NRXN3: variants seen among roughly 807,000 people sequenced by gnomAD.
NRXN3 encodes the protein neurexin 3, also known as neurexin III.
In NRXN3, 32 loss-of-function variants were observed where a neutral mutation model predicts 137.6. That is an observed-to-expected ratio of 0.23 (90% CI 0.18 to 0.31). NRXN3 has a LOEUF of 0.31. Ranked by LOEUF, NRXN3 falls within the 10% of genes least tolerant of loss-of-function variation. The probability of loss-of-function intolerance (pLI) is 1.00; values close to 1 mark genes in which losing one functional copy is unlikely to be tolerated. For missense variants in NRXN3, 1,574 were observed against 2,062.5 expected (o/e 0.76, Z 4.59); for synonymous variants, 798 against 784.5 (o/e 1.02, Z -0.29).
At chr14:78,876,324 A>G (rs1483777392) in intron 10 of NRXN3, among the ~76,000 whole-genome samples, 1 of 152,208 alleles carries the variant, frequency 6.6e-6, no homozygotes, top group Admixed American at 6.5e-5. Flanking sequence ...GACTTGATGT[A>G]AAGGAGGAAA....
Position 79,694,629 on chromosome 14 carries a change from G to A in NRXN3, c.3706+2367G>A, listed in dbSNP as rs1373744416. 3.9e-5 allele frequency among the ~76,000 whole-genome samples: 6 copies of A among 151,952 alleles called. No homozygotes were observed. The East Asian group carries it at 1.2e-3, about 30-fold the overall frequency. On this transcript the variant is annotated intron_variant, in intron 18 of 20. Coordinates refer to ENST00000335750, the MANE Select transcript of NRXN3 (RefSeq NM_001330195.2). ...AATAATGAGATCTGGCATTGATTTG[G>A]GGAAATCTTGGGCAAATGATAAAAA...
intron 15 of NRXN3, among the ~76,000 whole-genome samples, chr14:79,054,101 A>G (rs1356814370): frequency 1.4e-5 from 2 of 142,592 alleles, no homozygotes; most frequent in African/African-American, 2.6e-5. Context: ...ATAGGTAGGA[A>G]TTGAACAATG....
At chr14:78,915,146 A>T (rs1597339910) in intron 10 of NRXN3, among the ~76,000 whole-genome samples, 1 of 152,060 alleles carries the variant, frequency 6.6e-6, no homozygotes, top group Non-Finnish European at 1.5e-5. Context: ...ATTGCCTTCC[A>T]TTGTCAGTGG....
intron 15 of NRXN3, among the ~76,000 whole-genome samples, chr14:79,197,114 T>C (rs937932173): frequency 3.3e-5 from 5 of 152,190 alleles, no homozygotes; most frequent in African/African-American, 1.2e-4. Context: ...TACAGGTTAA[T>C]TTTGGCTGGT....
intron 4 of NRXN3, among the ~76,000 whole-genome samples, chr14:78,600,936 T>C (rs562519415): frequency 6.6e-6 from 1 of 152,328 alleles, no homozygotes; most frequent in Non-Finnish European, 1.5e-5. Context: ...TCTCTCCTTT[T>C]GCCTTTTACC....
At chr14:79,254,832 T>C (rs2153384170) in intron 15 of NRXN3, among the ~76,000 whole-genome samples, 1 of 145,360 alleles carries the variant, frequency 6.9e-6, no homozygotes, top group South Asian at 2.4e-4. Flanking sequence ...CTTCTTTCCT[T>C]CTTTCCTTCT....
intron 4 of NRXN3, among the ~76,000 whole-genome samples, chr14:78,598,219 C>T (rs1435818208): frequency 6.6e-6 from 1 of 152,126 alleles, no homozygotes; most frequent in African/African-American, 2.4e-5. Context: ...GACTCTGTTG[C>T]CCTCTAGTGG....
At chr14:79,733,889 C>G (rs941401036) in intron 19 of NRXN3, among the ~76,000 whole-genome samples, 5 of 152,130 alleles carry the variant, frequency 3.3e-5, no homozygotes, top group Non-Finnish European at 7.3e-5. Context: ...CATTCACTTG[C>G]CTGCTTGCTC....
Position 78,803,472 on chromosome 14 carries a change from A to G in NRXN3, c.2045-148A>G, listed in dbSNP as rs892177603. 3 of 710,630 alleles carry G rather than the reference A, an allele frequency of 4.2e-6. No homozygotes were observed. The African/African-American group carries it at 5.2e-5, about 12-fold the overall frequency. The allele number at this position is 710,630 out of a possible 1,614,324, so 44.0% of individuals were successfully genotyped here. On this transcript the variant is annotated intron_variant, in intron 8 of 20. Coordinates refer to ENST00000335750, the MANE Select transcript of NRXN3 (RefSeq NM_001330195.2). ...GGTCTGCCCAGCGTCACACAGATTA[A>G]AAGGTGGTAACAACAAGGGTTCATC...
At chr14:79,279,260 C>T in intron 15 of NRXN3, 1 of 805,608 alleles carries the variant, frequency 1.2e-6, no homozygotes, top group Non-Finnish European at 1.5e-6. Flanking sequence ...GCTCTGGCCC[C>T]TCCTTCCTCC....
intron 6 of NRXN3, among the ~76,000 whole-genome samples, chr14:78,683,508 C>T (rs974191118): frequency 2.0e-4 from 31 of 152,170 alleles, no homozygotes; most frequent in African/African-American, 7.2e-4. Context: ...TCCTATTCCG[C>T]TACAGAGTGC....
intron 20 of NRXN3, among the ~76,000 whole-genome samples, chr14:79,825,206 C>CTTTTTTTTTTTTTTTTTTTTTT (rs11449914): frequency 8.5e-6 from 1 of 117,822 alleles, no homozygotes; most frequent in African/African-American, 3.2e-5. Context: ...TCTTTGTGTG[C>CTTTTTTTTTTTTTTTTTTTTTT]TTTTTTTTTT....
At chr14:79,108,437 C>T (rs1263155049) in intron 15 of NRXN3, among the ~76,000 whole-genome samples, 2 of 152,014 alleles carry the variant, frequency 1.3e-5, no homozygotes, top group African/African-American at 4.8e-5. Flanking sequence ...TGCTACCTGA[C>T]AAATATAGTA....
intron 15 of NRXN3, among the ~76,000 whole-genome samples, chr14:79,154,305 A>T (rs1291820535): frequency 6.6e-6 from 1 of 151,944 alleles, no homozygotes; most frequent in African/African-American, 2.4e-5. Flanking sequence ...AGAGACTATG[A>T]CATAGAGAAA....
intron 1 of NRXN3, among the ~76,000 whole-genome samples, chr14:78,232,010 C>CATTG (rs917844715): frequency 6.6e-6 from 1 of 152,270 alleles, no homozygotes; most frequent in African/African-American, 2.4e-5. Flanking sequence ...GCTCAGCCTT[C>CATTG]ACCCCCATTG....
intron 14 of NRXN3, among the ~76,000 whole-genome samples, chr14:78,969,215 C>A (rs2099429522): frequency 6.6e-6 from 1 of 152,194 alleles, no homozygotes; most frequent in Admixed American, 6.5e-5. Context: ...CAGCCTGTTC[C>A]TGTAGATGAT....
At chr14:78,628,580 C>A (rs538908587) in intron 4 of NRXN3, among the ~76,000 whole-genome samples, 1 of 152,298 alleles carries the variant, frequency 6.6e-6, no homozygotes, top group African/African-American at 2.4e-5. Flanking sequence ...TCAAGTAACA[C>A]ACAGTTAACT....
intron 8 of NRXN3, among the ~76,000 whole-genome samples, chr14:78,778,670 CTCT>C (rs1457045424): frequency 1.4e-5 from 2 of 139,616 alleles, no homozygotes; most frequent in East Asian, 2.3e-4. Flanking sequence ...CTTTTCTTTT[CTCT>C]TTTCTTTTCT....
chr14:79,056,510 C>T (rs2099663644), intron 15 of NRXN3, among the ~76,000 whole-genome samples: 1 of 151,850 alleles, frequency 6.6e-6, no homozygotes, highest in Admixed American at 6.6e-5. Context: ...TCAATATAAA[C>T]AAAGAGCTAT....
Sources: gnomAD v4.1 joint callset for allele counts (sites outside exome capture counted in the v4.1 genomes callset) on GRCh38, gnomAD v4.1.1 for gene constraint, MANE v1.5 for transcripts, NCBI Gene and HGNC (gene_info 2026-07-23, HGNC 2026-07-21) for gene names.